Variants in NUP210L observed in about 807,000 individuals in gnomAD.
The protein encoded by NUP210L is nuclear pore membrane glycoprotein 210-like.
In NUP210L, 74 loss-of-function variants were observed where a neutral mutation model predicts 208.5. The ratio of observed to expected loss-of-function variants is 0.35; its 90% CI spans 0.29 to 0.43. The LOEUF (loss-of-function observed/expected upper bound fraction) is 0.43. NUP210L is among the 20% of genes least tolerant of loss of function. The probability of loss-of-function intolerance (pLI) is 1.00; values close to 1 mark genes in which losing one functional copy is unlikely to be tolerated. For missense variants in NUP210L, 1,843 were observed against 2,289.4 expected (o/e 0.81, Z 3.98); for synonymous variants, 780 against 816.9 (o/e 0.95, Z 0.77).
At chr1:154,097,000 G>A (rs891087139) in intron 14 of NUP210L, among the ~76,000 whole-genome samples, 6 of 152,114 alleles carry the variant, frequency 3.9e-5, no homozygotes, top group African/African-American at 1.4e-4. Flanking sequence ...AGAATCGCTT[G>A]AACCTAGGGG....
In NUP210L at chr1:154,054,411, G is replaced by A. The variant is rs1399591988; in HGVS notation, c.3304-4C>T. ...GGGGGCCACCTTCAGACATTACCTGGAATTTAAATATACCATTGAATGCCT... is the reference window on the plus strand; with the variant it reads ...GGGGGCCACCTTCAGACATTACCTGAAATTTAAATATACCATTGAATGCCT... On this transcript the variant is annotated splice_region_variant and splice_polypyrimidine_tract_variant and intron_variant, in intron 24 of 39. Coordinates refer to ENST00000368559, the Ensembl canonical transcript of NUP210L. 2 of 1,613,640 alleles carry A rather than the reference G, an allele frequency of 1.2e-6. No homozygotes were observed. The highest frequency in any genetic ancestry group is 4.5e-5 in the East Asian group (2 of 44,874).
At chr1:154,022,386 A>G (rs1296788462) in intron 31 of NUP210L, 43 bp from the exon 32 acceptor site, 2 of 1,515,906 alleles carry the variant, frequency 1.3e-6, no homozygotes, top group Non-Finnish European at 1.8e-6. Context: ...AAAAGAGACA[A>G]TAGTTAGAAA....
exon 4 of NUP210L, chr1:154,141,478 A>C (rs749279001): frequency 3.6e-5 from 58 of 1,613,178 alleles, no homozygotes; most frequent in Non-Finnish European, 4.3e-5. Flanking sequence ...TGTCCTGGGC[A>C]ATGCTCCACT....
intron 13 of NUP210L, 91 bp from the exon 14 acceptor site, chr1:154,100,234 G>A (rs1557976253): frequency 8.4e-7 from 1 of 1,187,656 alleles, no homozygotes; most frequent in African/African-American, 1.5e-5. Flanking sequence ...AAGATTGCTT[G>A]AGCTCCGAAG....
chr1:154,057,757 G>C (rs1248979118), intron 22 of NUP210L, among the ~76,000 whole-genome samples: 1 of 146,750 alleles, frequency 6.8e-6, no homozygotes, highest in South Asian at 2.2e-4. Context: ...GATGTAGGCC[G>C]TGCTATGTTG....
chr1:154,118,206 G>A (rs1427569933), intron 11 of NUP210L, among the ~76,000 whole-genome samples: 2 of 152,112 alleles, frequency 1.3e-5, no homozygotes, highest in Non-Finnish European at 2.9e-5. Context: ...CTACTCCGGA[G>A]GCTGAGGCAG....
chr1:154,131,849 G>C (rs72696220), intron 7 of NUP210L, among the ~76,000 whole-genome samples: 45,967 of 151,920 alleles, frequency 0.3, 7,904 homozygotes, highest in Admixed American at 0.45. Context: ...CCGTCGCCCA[G>C]GCTGGGGTGC....
chr1:154,040,755 T>A (rs1173781584), intron 27 of NUP210L, among the ~76,000 whole-genome samples: 2 of 150,622 alleles, frequency 1.3e-5, no homozygotes, highest in South Asian at 2.1e-4. Flanking sequence ...CCCGGCTAAA[T>A]TTTTTTTTAT....
rs142564285 is a variant in NUP210L at position 154,028,202 on chromosome 1, T to C, written c.3856-605A>G. Among the ~76,000 whole-genome samples the C allele has an allele frequency of 3.7e-3, 562 of 152,342 alleles. 9 individuals are homozygous for C. Among genetic ancestry groups the C allele is most frequent in the East Asian group, 0.024 (127 of 5,188 alleles). On this transcript the variant is annotated intron_variant, in intron 28 of 39. Coordinates refer to ENST00000368559, the Ensembl canonical transcript of NUP210L. ...AAAAACAACAGAGCCATTTAGCTTT[T>C]AGCCCAAGAATATCTGTAGAAACTA...
chr1:154,047,850 G>A (rs1420923641), intron 25 of NUP210L, among the ~76,000 whole-genome samples: 1 of 152,132 alleles, frequency 6.6e-6, no homozygotes, highest in Non-Finnish European at 1.5e-5. Context: ...GCTGATCTCG[G>A]TAAGTGGTGC....
intron 7 of NUP210L, among the ~76,000 whole-genome samples, chr1:154,131,271 C>CAAAAAAAAAAAAA (rs71584177): frequency 8.3e-6 from 1 of 119,910 alleles, no homozygotes; most frequent in Non-Finnish European, 1.7e-5. Context: ...GACTCCATCT[C>CAAAAAAAAAAAAA]AAAAAAAAAA....
At chr1:154,075,105 C>A (rs1038357352) in intron 16 of NUP210L, among the ~76,000 whole-genome samples, 1 of 152,148 alleles carries the variant, frequency 6.6e-6, no homozygotes, top group Non-Finnish European at 1.5e-5. Context: ...CCCTACTGAG[C>A]TGGAATCAAC....
intron 32 of NUP210L, among the ~76,000 whole-genome samples, chr1:154,021,786 TACTG>T (rs1400871805): frequency 6.6e-6 from 1 of 152,180 alleles, no homozygotes; most frequent in Non-Finnish European, 1.5e-5. Context: ...TGATCAATAT[TACTG>T]GCTGGCTTCT....
At chr1:154,133,630 A>T (rs538905631) in intron 7 of NUP210L, among the ~76,000 whole-genome samples, 1 of 151,636 alleles carries the variant, frequency 6.6e-6, no homozygotes, top group Admixed American at 6.6e-5. Flanking sequence ...GCTTGAGTCC[A>T]GGAGTTCAAG....
At chr1:154,062,868 C>T (rs1654214869) in intron 17 of NUP210L, among the ~76,000 whole-genome samples, 1 of 152,120 alleles carries the variant, frequency 6.6e-6, no homozygotes, top group Admixed American at 6.6e-5. Flanking sequence ...GTGTGAGCTA[C>T]TGCACATGGC....
intron 37 of NUP210L, among the ~76,000 whole-genome samples, chr1:153,997,276 T>A (rs1224590784): frequency 1.4e-5 from 2 of 146,956 alleles, no homozygotes; most frequent in African/African-American, 4.9e-5. Context: ...TTTTTTTTTT[T>A]AACACCTGAA....
intron 2 of NUP210L, among the ~76,000 whole-genome samples, chr1:154,146,920 C>T (rs1659148829): frequency 1.3e-5 from 2 of 152,070 alleles, no homozygotes; most frequent in African/African-American, 4.8e-5. Context: ...AACTCCTGGG[C>T]TCAAGTGATC....
At chr1:154,051,220 T>C (rs1653477800) in intron 25 of NUP210L, among the ~76,000 whole-genome samples, 1 of 152,080 alleles carries the variant, frequency 6.6e-6, no homozygotes, top group African/African-American at 2.4e-5. Context: ...TTTCACAATT[T>C]TTTTTTTGAG....
chr1:154,031,921 A>T (rs1204977811), intron 27 of NUP210L, among the ~76,000 whole-genome samples: 1 of 151,762 alleles, frequency 6.6e-6, no homozygotes, highest in Non-Finnish European at 1.5e-5. Context: ...GTAGAGACCG[A>T]GTCTCACTAT....
Sources: allele counts gnomAD v4.1 joint callset (sites outside exome capture counted in the v4.1 genomes callset), GRCh38; gene constraint gnomAD v4.1.1; transcripts MANE v1.5; gene names NCBI Gene and HGNC (gene_info 2026-07-23, HGNC 2026-07-21).